The following CDH12 variants were observed in gnomAD, a reference collection of about 807,000 sequenced individuals.
CDH12 encodes the protein cadherin 12, also known as cadherin-12.
A neutral mutation model predicts 74.1 loss-of-function variants in CDH12; 41 were observed. That is an observed-to-expected ratio of 0.55 (90% CI 0.43 to 0.72). The LOEUF (loss-of-function observed/expected upper bound fraction) is 0.72, where lower values mean the gene tolerates loss of function less well. Among genes scored for constraint, CDH12 ranks in the 30% least tolerant of loss-of-function variants. CDH12 has a pLI of 0.00. For missense variants in CDH12, 945 were observed against 977.2 expected, an observed-to-expected ratio of 0.97 and a Z score of 0.44; for synonymous variants, 399 against 355.0, an observed-to-expected ratio of 1.12 and a Z score of -1.39.
At chr5:22,302,910 AT>A (rs1737952476) in intron 3 of CDH12, among the ~76,000 whole-genome samples, 1 of 152,180 alleles carries the variant, frequency 6.6e-6, no homozygotes, top group African/African-American at 2.4e-5. Context: ...TAACTTAAAA[AT>A]ATCATGTTAA....
At chr5:22,616,579 C>T (rs1230845179) in intron 1 of CDH12, among the ~76,000 whole-genome samples, 1 of 151,930 alleles carries the variant, frequency 6.6e-6, no homozygotes, top group Non-Finnish European at 1.5e-5. Context: ...TAAATACATA[C>T]ATACACAAAA....
At chr5:22,679,086 A>G (rs983243571) in intron 1 of CDH12, among the ~76,000 whole-genome samples, 4 of 152,142 alleles carry the variant, frequency 2.6e-5, no homozygotes, top group Non-Finnish European at 5.9e-5. Flanking sequence ...ATTAAAATTC[A>G]TAACTACAGT....
chr5:22,587,759 A>G (rs186822657), intron 1 of CDH12, among the ~76,000 whole-genome samples: 1 of 152,074 alleles, frequency 6.6e-6, no homozygotes, highest in African/African-American at 2.4e-5. Flanking sequence ...CCCGAATTAT[A>G]TGGACCTAGA....
intron 1 of CDH12, among the ~76,000 whole-genome samples, chr5:22,830,385 A>T (rs1581042712): frequency 6.6e-6 from 1 of 152,142 alleles, no homozygotes. Context: ...ATTTCATTAC[A>T]GCATAGTTCA....
chr5:22,085,615 T>C (rs1205960896), intron 4 of CDH12, among the ~76,000 whole-genome samples: 1 of 152,090 alleles, frequency 6.6e-6, no homozygotes, highest in Non-Finnish European at 1.5e-5. Flanking sequence ...CTCTTGTGAA[T>C]AGGTGGCCCT....
At position 22,565,891 on chromosome 5, in the gene CDH12, A is replaced by G. The variant is rs554688775; in HGVS notation, c.-522-60527T>C. Among the ~76,000 whole-genome samples, 14 of 152,326 alleles carry G rather than the reference A, an allele frequency of 9.2e-5. No homozygotes were observed. The East Asian group carries it at 2.5e-3, about 27-fold the overall frequency. The stretch of plus-strand genomic sequence containing the variant: ...AGGACACAAAAAACAACAAAATTCT[A>G]TGAAGCCATAAGAAGTAATAGAGCT... On this transcript the variant is annotated intron_variant, in intron 1 of 14. Transcript: ENST00000382254.
At chr5:22,372,258 AAGAG>A (rs990497036) in intron 3 of CDH12, among the ~76,000 whole-genome samples, 1 of 152,098 alleles carries the variant, frequency 6.6e-6, no homozygotes. Context: ...TAGATCATCT[AAGAG>A]AGAGAGCACT....
At chr5:22,633,763 T>G (rs1738696441) in intron 1 of CDH12, among the ~76,000 whole-genome samples, 1 of 152,188 alleles carries the variant, frequency 6.6e-6, no homozygotes. Context: ...GAACCAGCTT[T>G]CCTGGATCTC....
At chr5:22,813,466 C>T (rs373621284) in intron 1 of CDH12, among the ~76,000 whole-genome samples, 262 of 152,222 alleles carry the variant, frequency 1.7e-3, no homozygotes, top group Non-Finnish European at 2.4e-3. Context: ...TGAAAAAATA[C>T]TACCATGCTC....
At chr5:21,893,785 A>T (rs1345910955) in intron 6 of CDH12, among the ~76,000 whole-genome samples, 1 of 152,210 alleles carries the variant, frequency 6.6e-6, no homozygotes, top group African/African-American at 2.4e-5. Flanking sequence ...AGCCCAGTAG[A>T]GTTATAAAGA....
At chr5:22,620,015 TATC>T (rs1465133023) in intron 1 of CDH12, among the ~76,000 whole-genome samples, 1 of 152,128 alleles carries the variant, frequency 6.6e-6, no homozygotes, top group African/African-American at 2.4e-5. Context: ...CTCAGGAAAT[TATC>T]ATTTTACCTC....
chr5:22,749,452 G>A (rs1745452150), intron 1 of CDH12, among the ~76,000 whole-genome samples: 1 of 152,214 alleles, frequency 6.6e-6, no homozygotes, highest in Non-Finnish European at 1.5e-5. Flanking sequence ...AGTTTCAAGT[G>A]AATGATTTTC....
intron 1 of CDH12, among the ~76,000 whole-genome samples, chr5:22,814,488 T>C (rs1749295233): frequency 2.0e-5 from 3 of 152,216 alleles, no homozygotes; most frequent in African/African-American, 7.2e-5. Flanking sequence ...TTGACATTAA[T>C]AGGACAATTC....
intron 4 of CDH12, among the ~76,000 whole-genome samples, chr5:22,149,334 A>G (rs375653807): frequency 2.5e-3 from 384 of 152,326 alleles, no homozygotes; most frequent in Non-Finnish European, 4.1e-3. Context: ...ATTTTACAGT[A>G]TACAGCACTA....
intron 1 of CDH12, among the ~76,000 whole-genome samples, chr5:22,767,780 T>C (rs1328850096): frequency 6.6e-6 from 1 of 151,944 alleles, no homozygotes; most frequent in Non-Finnish European, 1.5e-5. Flanking sequence ...GATAATCAAC[T>C]ATAGTTAAAC....
chr5:22,082,205 A>T (rs1196239815), intron 4 of CDH12, among the ~76,000 whole-genome samples: 1 of 152,176 alleles, frequency 6.6e-6, no homozygotes, highest in Admixed American at 6.5e-5. Context: ...GGAGAGGTTT[A>T]TTCTTACCAT....
chr5:22,812,620 A>G (rs1279791890), intron 1 of CDH12, among the ~76,000 whole-genome samples: 4 of 152,184 alleles, frequency 2.6e-5, no homozygotes, highest in Admixed American at 2.6e-4. Context: ...ATATTCTCCA[A>G]CTAAAACCTC....
intron 3 of CDH12, among the ~76,000 whole-genome samples, chr5:22,352,131 T>A (rs1475785188): frequency 6.6e-6 from 1 of 152,008 alleles, no homozygotes. Flanking sequence ...GACTTGTTTT[T>A]TTTTTTTTAA....
intron 6 of CDH12, among the ~76,000 whole-genome samples, chr5:21,927,072 T>C (rs1004022811): frequency 1.3e-5 from 2 of 152,204 alleles, no homozygotes; most frequent in African/African-American, 4.8e-5. Flanking sequence ...CAAGTCAGCA[T>C]GGCTGTGTAT....
Sources: gnomAD v4.1 joint callset for allele counts (sites outside exome capture counted in the v4.1 genomes callset) on GRCh38, gnomAD v4.1.1 for gene constraint, MANE v1.5 for transcripts, NCBI Gene and HGNC (gene_info 2026-07-23, HGNC 2026-07-21) for gene names.